The following SYNE1 variants were observed in gnomAD, a reference collection of about 807,000 sequenced individuals.
SYNE1 encodes nesprin-1.
A neutral mutation model predicts 1,111.0 loss-of-function variants in SYNE1; 616 were observed. The ratio of observed to expected loss-of-function variants is 0.55; its 90% CI spans 0.52 to 0.59. The LOEUF (loss-of-function observed/expected upper bound fraction) is 0.59, where lower values mean the gene tolerates loss of function less well. Ranked by LOEUF, SYNE1 falls within the 20% of genes least tolerant of loss-of-function variation. SYNE1 has a pLI of 0.00. For missense variants in SYNE1, 10,006 were observed against 10,417.0 expected, an observed-to-expected ratio of 0.96 and a Z score of 1.72; for synonymous variants, 3,855 against 3,825.8, an observed-to-expected ratio of 1.01 and a Z score of -0.28.
At chr6:152,496,194 C>A (rs962113926) in intron 11 of SYNE1, among the ~76,000 whole-genome samples, 9 of 152,126 alleles carry the variant, frequency 5.9e-5, no homozygotes, top group Non-Finnish European at 1.2e-4. Context: ...CACTTCACCA[C>A]TATTTTGTTT....
At chr6:152,561,403 T>C (rs185664313) in intron 3 of SYNE1, among the ~76,000 whole-genome samples, 2 of 152,098 alleles carry the variant, frequency 1.3e-5, no homozygotes, top group East Asian at 1.9e-4. Context: ...AATGAAACAA[T>C]AAAGCATTGA....
chr6:152,499,598 C>T (rs139524210), intron 10 of SYNE1, among the ~76,000 whole-genome samples: 39 of 152,030 alleles, frequency 2.6e-4, no homozygotes, highest in African/African-American at 3.4e-4. Flanking sequence ...AAAACTAATA[C>T]GCATAGTTTA....
chr6:152,323,662 C>T lies in SYNE1; in HGVS notation c.15733G>A (p.Ala5245Thr). The T allele has an allele frequency of 6.2e-7, 1 of 1,614,236 alleles. No individual in the cohort carries two copies. Among genetic ancestry groups the T allele is most frequent in the Non-Finnish European group, 8.5e-7 (1 of 1,180,034 alleles). ...PGSSAEKASK[A>T]ELLTLLEYHD... ...TATTCAAGAAGAGTTAAGAGCTCTG[C>T]TTTCGATGCTTTCTCTGCTGAACTT... Residue 5245 changes from alanine (A) to threonine (T), a missense_variant, in exon 82 of 146, where the codon GCA (alanine) becomes ACA (threonine). Physicochemically the swap from Ala to Thr is moderately conservative, Grantham distance 58. Coordinates refer to ENST00000367255, the MANE Select transcript of SYNE1 (RefSeq NM_182961.4).
intron 3 of SYNE1, among the ~76,000 whole-genome samples, chr6:152,573,394 AT>A (rs1271943691): frequency 7.7e-6 from 1 of 129,682 alleles, no homozygotes; most frequent in African/African-American, 3.0e-5. Flanking sequence ...ATGTGTTCTC[AT>A]TGTTCAATTC....
intron 14 of SYNE1, among the ~76,000 whole-genome samples, chr6:152,473,506 T>A (rs565197498): frequency 1.3e-5 from 2 of 152,276 alleles, no homozygotes; most frequent in African/African-American, 4.8e-5. Context: ...AGGGCCAAAC[T>A]ATTTCTAACC....
At chr6:152,272,918 G>A (rs989636002) in intron 98 of SYNE1, among the ~76,000 whole-genome samples, 9 of 152,072 alleles carry the variant, frequency 5.9e-5, no homozygotes. Flanking sequence ...TACATAAAGG[G>A]ACATGATCCT....
intron 95 of SYNE1, among the ~76,000 whole-genome samples, chr6:152,288,504 C>A (rs2094441358): frequency 6.6e-6 from 1 of 152,138 alleles, no homozygotes; most frequent in Admixed American, 6.5e-5. Flanking sequence ...GTTCTGCAGT[C>A]AGTAATAAAG....
chr6:152,430,270 A>T (rs1270876436), intron 35 of SYNE1, 60 bp from the exon 36 acceptor site: 3 of 1,422,958 alleles, frequency 2.1e-6, no homozygotes, highest in African/African-American at 1.4e-5. Context: ...AGACAAAAAA[A>T]AAAGTTACTG....
intron 58 of SYNE1, among the ~76,000 whole-genome samples, chr6:152,375,158 G>C (rs2097258365): frequency 6.6e-6 from 1 of 152,038 alleles, no homozygotes; most frequent in African/African-American, 2.4e-5. Flanking sequence ...GGCCAGGCTG[G>C]TCTCAAACTC....
intron 144 of SYNE1, among the ~76,000 whole-genome samples, chr6:152,131,055 CAT>C (rs1172875788): frequency 6.6e-6 from 1 of 152,148 alleles, no homozygotes; most frequent in Non-Finnish European, 1.5e-5. Flanking sequence ...GGTAGAAACA[CAT>C]GTGTATATTT....
At chr6:152,592,903 G>A (rs2099570977) in intron 3 of SYNE1, among the ~76,000 whole-genome samples, 1 of 152,166 alleles carries the variant, frequency 6.6e-6, no homozygotes, top group Non-Finnish European at 1.5e-5. Context: ...GTGTGGGTGT[G>A]GGTGTGAGTG....
intron 42 of SYNE1, among the ~76,000 whole-genome samples, chr6:152,411,344 TTTAC>T (rs1332428900): frequency 2.0e-5 from 3 of 152,216 alleles, no homozygotes; most frequent in African/African-American, 7.2e-5. Flanking sequence ...TATTTATTTA[TTTAC>T]TTACTTATTT....
At chr6:152,188,172 T>A (rs2635431) in intron 128 of SYNE1, among the ~76,000 whole-genome samples, 95,870 of 152,106 alleles carry the variant, frequency 0.63, 31,939 homozygotes, top group African/African-American at 0.87. Context: ...ACATCACAAT[T>A]ATTAAGATGA....
intron 3 of SYNE1, among the ~76,000 whole-genome samples, chr6:152,609,161 G>A (rs1399799786): frequency 6.6e-6 from 1 of 152,040 alleles, no homozygotes; most frequent in African/African-American, 2.4e-5. Flanking sequence ...ACGAAGCAGG[G>A]TGGGGCACCG....
chr6:152,398,625 A>G lies in SYNE1; in HGVS notation c.7344T>C (p.Asp2448=), dbSNP rs534731471. Residue 2448 remains aspartate (D), a synonymous_variant, in exon 49 of 146, where the codon GAT becomes GAC. Transcript: ENST00000367255. The part of the protein sequence containing the change: ...DSKVLEAKLH[D]LQNILDSVSD... The stretch of plus-strand genomic sequence containing the variant: ...AGGATGTCAGCTTCTATACCTGAAG[A>G]TCATGGAGCTTTGCTTCTAGAACTT... 6.2e-7 allele frequency: 1 copy of G among 1,613,642 alleles called. No homozygotes were observed. The highest frequency in any genetic ancestry group is 2.2e-5 in the East Asian group (1 of 44,864).
chr6:152,483,410 C>G (rs1230802839), intron 13 of SYNE1, among the ~76,000 whole-genome samples, 161 bp from the exon 14 acceptor site: 1 of 152,180 alleles, frequency 6.6e-6, no homozygotes, highest in African/African-American at 2.4e-5. Flanking sequence ...CTGAGTTTGA[C>G]ACTTTAGGGA....
intron 63 of SYNE1, chr6:152,363,670 C>A: frequency 8.8e-6 from 4 of 452,958 alleles, no homozygotes; most frequent in Non-Finnish European, 1.8e-5. Context: ...GCAGCACAGT[C>A]CAGTTGGACT....
chr6:152,561,180 C>T (rs1011614617), intron 3 of SYNE1, among the ~76,000 whole-genome samples: 2 of 151,720 alleles, frequency 1.3e-5, no homozygotes, highest in Admixed American at 6.6e-5. Flanking sequence ...CTAGACTCCA[C>T]CAAAAAAATG....
chr6:152,334,490 G>T (rs2096333615), intron 76 of SYNE1, among the ~76,000 whole-genome samples: 1 of 152,194 alleles, frequency 6.6e-6, no homozygotes, highest in Non-Finnish European at 1.5e-5. Flanking sequence ...ATTCAGGGTA[G>T]CTGTGGTATA....
Sources: allele counts gnomAD v4.1 joint callset (sites outside exome capture counted in the v4.1 genomes callset), GRCh38; gene constraint gnomAD v4.1.1; transcripts MANE v1.5; gene names NCBI Gene and HGNC (gene_info 2026-07-23, HGNC 2026-07-21).